The following TIAL1 variants were observed in gnomAD, a reference collection of about 807,000 sequenced individuals.
The protein encoded by TIAL1 is nucleolysin TIAR.
A neutral mutation model predicts 59.7 loss-of-function variants in TIAL1; 7 were observed. That is an observed-to-expected ratio of 0.12 (90% CI 0.07 to 0.22). The LOEUF is 0.22. Ranked by LOEUF, TIAL1 falls within the 10% of genes least tolerant of loss-of-function variation. The probability of loss-of-function intolerance (pLI) is 1.00; values close to 1 mark genes in which losing one functional copy is unlikely to be tolerated. For synonymous variants in TIAL1, 149 were observed against 146.3 expected (o/e 1.02, Z -0.13); for missense variants, 225 against 462.5 (o/e 0.49, Z 4.71).
chr10:119,584,782 T>G (rs534078863), intron 2 of TIAL1, among the ~76,000 whole-genome samples: 1 of 151,804 alleles, frequency 6.6e-6, no homozygotes, highest in Non-Finnish European at 1.5e-5. Flanking sequence ...TGAGCCAAGA[T>G]CGTGCCACTG....
intron 6 of TIAL1, 130 bp downstream of exon 6, chr10:119,579,805 T>A: frequency 1.6e-6 from 1 of 617,210 alleles, no homozygotes; most frequent in Non-Finnish European, 2.6e-6. Flanking sequence ...TATTAAAACA[T>A]ACATAACATT....
chr10:119,584,484 T>TTTA (rs1461355822), intron 2 of TIAL1, among the ~76,000 whole-genome samples: 15 of 151,730 alleles, frequency 9.9e-5, no homozygotes, highest in African/African-American at 3.6e-4. Context: ...TCTGCTAGAG[T>TTTA]TTATACCCTC....
chr10:119,595,625 G>A (rs1046297857), intron 1 of TIAL1, among the ~76,000 whole-genome samples: 2 of 152,170 alleles, frequency 1.3e-5, no homozygotes, highest in East Asian at 3.8e-4. Flanking sequence ...GCGTTCAGAA[G>A]ACACACATCA....
At chr10:119,577,571 T>A in intron 8 of TIAL1, 36 bp from the exon 9 acceptor site, 10 of 1,608,172 alleles carry the variant, frequency 6.2e-6, no homozygotes, top group Non-Finnish European at 8.5e-6. Flanking sequence ...ACATGGCTGA[T>A]GTGTATCATG....
intron 1 of TIAL1, among the ~76,000 whole-genome samples, chr10:119,589,474 G>A (rs1845742610): frequency 6.6e-6 from 1 of 152,160 alleles, no homozygotes; most frequent in African/African-American, 2.4e-5. Flanking sequence ...CCAAAGTGCT[G>A]GGATTACAGG....
chr10:119,594,875 G>A (rs1846079363), intron 1 of TIAL1, among the ~76,000 whole-genome samples: 1 of 152,096 alleles, frequency 6.6e-6, no homozygotes, highest in South Asian at 2.1e-4. Context: ...CGCCCACCTC[G>A]GCCTCCCAAA....
chr10:119,593,888 C>T (rs987374678), intron 1 of TIAL1, among the ~76,000 whole-genome samples: 7 of 152,120 alleles, frequency 4.6e-5, no homozygotes, highest in African/African-American at 1.7e-4. Context: ...ACAGACTGCA[C>T]CACATGTGAC....
chr10:119,590,542 T>C (rs528352376), intron 1 of TIAL1, among the ~76,000 whole-genome samples: 3 of 151,840 alleles, frequency 2.0e-5, no homozygotes, highest in African/African-American at 7.2e-5. Context: ...AAACCCTGTC[T>C]CCACAAAAAA....
At chr10:119,575,828 GA>G (rs761203801) in intron 11 of TIAL1, 37 bp from the exon 12 acceptor site, 412 of 1,388,356 alleles carry the variant, frequency 3.0e-4, no homozygotes, top group South Asian at 8.9e-4. Context: ...GCAAACACAA[GA>G]AAAAAAAAAT....
chr10:119,582,251 ATT>A lies in TIAL1; in HGVS notation c.229-30_229-29del. 1.3e-6 allele frequency: 2 copies of A among 1,547,894 alleles called. No individual in the cohort carries two copies. The highest frequency in any genetic ancestry group is 1.7e-6 in the Non-Finnish European group (2 of 1,144,400). ...AAAAATAAAGATTATATTTAATAAA[ATT>A]ATTAGGCATGTCATGAGTTACAACA... On this transcript the variant is annotated intron_variant, in intron 3 of 11. Coordinates refer to ENST00000436547, the MANE Select transcript of TIAL1 (RefSeq NM_003252.4). The surrounding 1 kb of genome is among the most constrained non-coding windows in gnomAD (Gnocchi z 5.1).
At chr10:119,596,279 G>A (rs1334550738) in intron 1 of TIAL1, among the ~76,000 whole-genome samples, 155 bp downstream of exon 1, 2 of 152,156 alleles carry the variant, frequency 1.3e-5, no homozygotes, top group East Asian at 1.9e-4. Flanking sequence ...CCAAGGAAAA[G>A]GGGACAGATG....
At chr10:119,576,277 T>C (rs1844990763) in intron 11 of TIAL1, among the ~76,000 whole-genome samples, 2 of 148,914 alleles carry the variant, frequency 1.3e-5, no homozygotes, top group African/African-American at 4.9e-5. Flanking sequence ...CACATAGGCA[T>C]AAAACCATCA....
At chr10:119,584,089 A>G (rs1845425882) in intron 2 of TIAL1, among the ~76,000 whole-genome samples, 1 of 152,198 alleles carries the variant, frequency 6.6e-6, no homozygotes, top group Non-Finnish European at 1.5e-5. Context: ...TGATAATCCC[A>G]TACACTTTAG....
At chr10:119,592,888 T>C (rs1391551910) in intron 1 of TIAL1, among the ~76,000 whole-genome samples, 1 of 152,214 alleles carries the variant, frequency 6.6e-6, no homozygotes, top group Non-Finnish European at 1.5e-5. Flanking sequence ...ATCCATGGTA[T>C]AGCCAGTCAA....
chr10:119,578,398 T>C (rs558786428), intron 7 of TIAL1, among the ~76,000 whole-genome samples: 4 of 152,208 alleles, frequency 2.6e-5, no homozygotes, highest in Admixed American at 2.6e-4. Context: ...TAAAATGAAA[T>C]AATTAGAGTC....
intron 1 of TIAL1, chr10:119,592,245 A>C (rs1845918376): frequency 6.6e-6 from 1 of 152,252 alleles, no homozygotes; most frequent in East Asian, 1.9e-4. Context: ...AAAATTCAGA[A>C]GAGGCATACC....
At chr10:119,589,291 C>T (rs969260806) in intron 1 of TIAL1, among the ~76,000 whole-genome samples, 14 of 152,220 alleles carry the variant, frequency 9.2e-5, no homozygotes, top group East Asian at 3.9e-4. Flanking sequence ...CTGCAACCTC[C>T]GCCTCCCAGG....
intron 7 of TIAL1, among the ~76,000 whole-genome samples, chr10:119,578,183 C>T (rs1235139461): frequency 7.2e-6 from 1 of 139,724 alleles, no homozygotes; most frequent in Non-Finnish European, 1.5e-5. Flanking sequence ...TGAGATCGCA[C>T]CACTGTACTC....
intron 1 of TIAL1, among the ~76,000 whole-genome samples, chr10:119,588,666 CCT>C (rs1845698344): frequency 6.6e-6 from 1 of 152,070 alleles, no homozygotes; most frequent in Non-Finnish European, 1.5e-5. Flanking sequence ...ATTTTAACTT[CCT>C]CTGTTTTCAA....
Sources: gnomAD v4.1 joint callset for allele counts (sites outside exome capture counted in the v4.1 genomes callset) on GRCh38, gnomAD v4.1.1 for gene constraint, Gnocchi (gnomAD v3.1) non-coding constraint, MANE v1.5 for transcripts, NCBI Gene and HGNC (gene_info 2026-07-23, HGNC 2026-07-21) for gene names.